SOS2: variants seen among roughly 807,000 people sequenced by gnomAD.
SOS2 encodes SOS Ras/Rho guanine nucleotide exchange factor 2.
In SOS2, 65 loss-of-function variants were observed where a neutral mutation model predicts 148.2. The ratio of observed to expected loss-of-function variants is 0.44; its 90% CI spans 0.36 to 0.54. SOS2 has a LOEUF of 0.54. Among genes scored for constraint, SOS2 ranks in the 20% least tolerant of loss-of-function variants. SOS2 has a pLI of 0.00. For missense variants in SOS2, 1,341 were observed against 1,590.2 expected (o/e 0.84, Z 2.67); for synonymous variants, 539 against 537.1 (o/e 1.00, Z -0.05).
At chr14:50,189,082 C>CAT (rs1677719736) in intron 4 of SOS2, among the ~76,000 whole-genome samples, 1 of 149,938 alleles carries the variant, frequency 6.7e-6, no homozygotes, top group Non-Finnish European at 1.5e-5. Context: ...CACACACACA[C>CAT]ACACACACAC....
intron 8 of SOS2, among the ~76,000 whole-genome samples, chr14:50,166,501 T>C (rs1303238863): frequency 1.3e-5 from 2 of 152,116 alleles, no homozygotes; most frequent in East Asian, 3.9e-4. Context: ...AGTGCTAGGA[T>C]TACAAGCATG....
chr14:50,221,067 C>T (rs991880511), intron 1 of SOS2, among the ~76,000 whole-genome samples: 2 of 152,154 alleles, frequency 1.3e-5, no homozygotes, highest in Non-Finnish European at 2.9e-5. Flanking sequence ...ACTACAGGAA[C>T]ATGTTTCTAA....
chr14:50,135,089 A>AAAAAAAAAAG (rs1555368583), intron 18 of SOS2, among the ~76,000 whole-genome samples: 1 of 131,534 alleles, frequency 7.6e-6, no homozygotes, highest in African/African-American at 2.9e-5. Flanking sequence ...AAAAAAAAAA[A>AAAAAAAAAAG]AAAGAAAGAA....
At chr14:50,197,059 C>T (rs1886333332) in intron 4 of SOS2, among the ~76,000 whole-genome samples, 1 of 151,928 alleles carries the variant, frequency 6.6e-6, no homozygotes, top group Non-Finnish European at 1.5e-5. Context: ...AGACATGTTG[C>T]CCAGGCTGGT....
chr14:50,174,609 A>T, intron 7 of SOS2, 57 bp from the exon 8 acceptor site: 1 of 994,622 alleles, frequency 1.0e-6, no homozygotes. Context: ...GATATGCAAC[A>T]GCAGTGCCTA....
chr14:50,205,827 G>A (rs1039044963), intron 1 of SOS2, among the ~76,000 whole-genome samples: 3 of 151,814 alleles, frequency 2.0e-5, no homozygotes, highest in Non-Finnish European at 4.4e-5. Flanking sequence ...GGCTGAGGCA[G>A]GAGGATTGCT....
intron 4 of SOS2, among the ~76,000 whole-genome samples, chr14:50,198,948 G>C (rs1886397225): frequency 6.6e-6 from 1 of 152,202 alleles, no homozygotes; most frequent in Non-Finnish European, 1.5e-5. Context: ...GAGCTCAGGA[G>C]TTCAAGACCA....
intron 21 of SOS2, among the ~76,000 whole-genome samples, chr14:50,127,140 T>C (rs1392174331): frequency 5.9e-5 from 2 of 33,806 alleles, no homozygotes; most frequent in African/African-American, 3.9e-4. Context: ...AAGGTCTCCT[T>C]TTTTTTTTTT....
intron 1 of SOS2, among the ~76,000 whole-genome samples, chr14:50,206,062 G>C (rs1206219737): frequency 6.6e-6 from 1 of 151,964 alleles, no homozygotes; most frequent in Non-Finnish European, 1.5e-5. Flanking sequence ...GTTTATCAAT[G>C]TTATTAATCT....
intron 4 of SOS2, among the ~76,000 whole-genome samples, chr14:50,194,036 C>T (rs4900996): frequency 0.31 from 47,427 of 152,114 alleles, 8,709 homozygotes; most frequent in Non-Finnish European, 0.42. Context: ...TGAGCCACCA[C>T]GCCCGGCCAA....
chr14:50,147,258 C>T (rs1039711419), intron 14 of SOS2, among the ~76,000 whole-genome samples: 4 of 151,718 alleles, frequency 2.6e-5, no homozygotes, highest in Non-Finnish European at 5.9e-5. Flanking sequence ...ACCTGTAATC[C>T]TGGCGTTTTG....
chr14:50,211,971 A>C (rs1280904621), intron 1 of SOS2, among the ~76,000 whole-genome samples: 2 of 152,194 alleles, frequency 1.3e-5, no homozygotes, highest in Admixed American at 6.6e-5. Flanking sequence ...ACACACAGTC[A>C]AAAAAATGCA....
chr14:50,159,971 A>G lies in SOS2; in HGVS notation c.1312T>C (p.Cys438Arg), dbSNP rs368795570. ...DGWEGKDIGQ[C>R]CNEFIMEGPL... ...CCCTCCATAATGAATTCATTACAAC[A>G]CTGTCCAATATCTTTGCCTTCCCAT... Residue 438 changes from cysteine (C) to arginine (R), a missense_variant, in exon 10 of 23, where the codon TGT (cysteine) becomes CGT (arginine). This residue lies in a region of SOS2 where 574 missense variants were observed against 711.1 expected (regional missense o/e 0.81). Transcript: ENST00000216373. 3 of 1,613,910 alleles carry G rather than the reference A, an allele frequency of 1.9e-6. No individual in the cohort carries two copies. The highest frequency in any genetic ancestry group is 2.7e-5 in the African/African-American group (2 of 74,902).
intron 1 of SOS2, among the ~76,000 whole-genome samples, chr14:50,224,130 A>T (rs181846466): frequency 1.8e-3 from 262 of 146,022 alleles, no homozygotes; most frequent in African/African-American, 3.7e-3. Flanking sequence ...TAAAAATATA[A>T]AAAAAAAAAA....
intron 11 of SOS2, 124 bp from the exon 12 acceptor site, chr14:50,157,245 G>A: frequency 9.3e-7 from 1 of 1,071,268 alleles, no homozygotes; most frequent in Non-Finnish European, 1.3e-6. Context: ...AACTTCCCTT[G>A]AGGTATGATA....
chr14:50,148,602 A>T (rs1884568895), intron 14 of SOS2, among the ~76,000 whole-genome samples: 1 of 152,074 alleles, frequency 6.6e-6, no homozygotes, highest in Admixed American at 6.6e-5. Flanking sequence ...AAGTCCCTTC[A>T]TTTCTACGTA....
At chr14:50,162,761 T>G (rs557875297) in intron 8 of SOS2, among the ~76,000 whole-genome samples, 1 of 152,336 alleles carries the variant, frequency 6.6e-6, no homozygotes, top group East Asian at 1.9e-4. Flanking sequence ...ATTTAGAAAC[T>G]GACTTATTAA....
chr14:50,136,826 G>A (rs1884098342), intron 18 of SOS2, among the ~76,000 whole-genome samples: 1 of 152,116 alleles, frequency 6.6e-6, no homozygotes, highest in Non-Finnish European at 1.5e-5. Context: ...CTGACCTCAG[G>A]TGATCCACCC....
chr14:50,130,451 C>T, intron 20 of SOS2, 50 bp downstream of exon 20: 1 of 1,508,582 alleles, frequency 6.6e-7, no homozygotes, highest in South Asian at 1.2e-5. Context: ...TAAGAATTAT[C>T]TGAGACACAG....
Sources: gnomAD v4.1 joint callset for allele counts (sites outside exome capture counted in the v4.1 genomes callset) on GRCh38, gnomAD v4.1.1 for gene constraint, gnomAD v4.1.1 regional missense constraint, MANE v1.5 for transcripts, NCBI Gene and HGNC (gene_info 2026-07-23, HGNC 2026-07-21) for gene names.